NOC2L: variants seen among roughly 807,000 people sequenced by gnomAD.
The protein encoded by NOC2L is NOC2 like nucleolar associated transcriptional repressor, also known as nucleolar complex protein 2 homolog.
In NOC2L, 101 loss-of-function variants were observed where a neutral mutation model predicts 94.2. That is an observed-to-expected ratio of 1.07 (90% CI 0.91 to 1.26). The LOEUF (loss-of-function observed/expected upper bound fraction) is 1.26, where lower values mean the gene tolerates loss of function less well. Among genes scored for constraint, NOC2L ranks in the 50% most tolerant of loss-of-function variants. The pLI is 0.00. For synonymous variants in NOC2L, 531 were observed against 413.4 expected (o/e 1.28, Z -3.45); for missense variants, 1,076 against 980.1 (o/e 1.10, Z -1.31).
At chr1:949,411 C>T (rs1466062935) in intron 12 of NOC2L, among the ~76,000 whole-genome samples, 1 of 152,212 alleles carries the variant, frequency 6.6e-6, no homozygotes, top group African/African-American at 2.4e-5. Flanking sequence ...TCTGGGAGGA[C>T]ACTGCCCTTC....
In NOC2L at chr1:945,747, C is replaced by G. The variant is rs1395095419; in HGVS notation, c.1918-94G>C. ...CATCGCCAGACCCACCACCAGGGCC[C>G]CATGTGGCCAATTTCTAGTCCCCTC... is the stretch of plus-strand genomic sequence containing the variant. On this transcript the variant is annotated intron_variant, in intron 16 of 18. Coordinates refer to ENST00000327044, the MANE Select transcript of NOC2L (RefSeq NM_015658.4). 2.7e-6 allele frequency: 4 copies of G among 1,504,792 alleles called. No individual in the cohort carries two copies. In the African/African-American group the frequency reaches 4.2e-5, roughly 16 times the overall value. 93.2% of individuals were successfully genotyped at this position (1,504,792 alleles called of 1,614,324 possible). A position where few individuals can be genotyped will look rare whatever the true frequency, so the allele number is the denominator to read the frequency against.
chr1:951,351 G>A (rs1642256540), intron 11 of NOC2L, 113 bp from the exon 12 acceptor site: 1 of 802,426 alleles, frequency 1.2e-6, no homozygotes, highest in Middle Eastern at 2.3e-4. Flanking sequence ...CCTAAAGCAG[G>A]ACAAGGCACG....
Position 952,424 on chromosome 1 carries a change from G to A in NOC2L, c.1179C>T (p.Thr393=). Residue 393 remains threonine, a synonymous_variant, in exon 10 of 19, where the codon ACC becomes ACT. Coordinates refer to ENST00000327044, the MANE Select transcript of NOC2L (RefSeq NM_015658.4). ...CCCCACCACACACCTTCTTGCGAGT[G>A]GTCATGGCGTTGCGCAGGTGTATGG... ...QLAIHLRNAM[T]TRKKETYQSV... is the part of the protein sequence containing the mutation. 6.2e-7 allele frequency: 1 copy of A among 1,613,542 alleles called. No individual in the cohort carries two copies. Among genetic ancestry groups the A allele is most frequent in the Non-Finnish European group, 8.5e-7 (1 of 1,179,912 alleles).
intron 2 of NOC2L, 95 bp downstream of exon 2, chr1:958,834 T>C: frequency 7.6e-7 from 1 of 1,307,240 alleles, no homozygotes; most frequent in Non-Finnish European, 1.1e-6. Context: ...CGGCGATCCT[T>C]AGGCCTTGGC....
chr1:951,065 G>C, intron 12 of NOC2L, 62 bp downstream of exon 12: 1 of 1,295,192 alleles, frequency 7.7e-7, no homozygotes, highest in Non-Finnish European at 1.1e-6. Flanking sequence ...GACGCCCGGA[G>C]CAGCAGATGC....
At chr1:951,029 G>T in intron 12 of NOC2L, 98 bp downstream of exon 12, 1 of 928,148 alleles carries the variant, frequency 1.1e-6, no homozygotes, top group Non-Finnish European at 1.7e-6. Flanking sequence ...CCAGGGCTCC[G>T]GGAAGTCGCC....
rs893874000 is a variant in NOC2L at position 952,450 on chromosome 1, C to A, written c.1153G>T (p.Ala385Ser). The A allele has an allele frequency of 2.5e-6, 4 of 1,613,764 alleles. No homozygotes were observed. Among genetic ancestry groups the A allele is most frequent in the East Asian group, 2.2e-5 (1 of 44,884 alleles). ...GTCATGGCGTTGCGCAGGTGTATGG[C>A]GAGCTGGCGGATGTAGAGGAAGGCG... is the stretch of plus-strand genomic sequence containing the variant. ...QHAFLYIRQL[A>S]IHLRNAMTTR... The change falls in exon 10 of 19, where the codon GCC (alanine) becomes TCC (serine). Residue 385 changes from alanine (A) to serine (S), a missense_variant. Physicochemically the swap from Ala to Ser is moderately conservative, Grantham distance 99. Around this residue, in one of 3 missense-constraint regions of NOC2L, gnomAD observed 615 missense variants for 577.4 expected, o/e 1.07. Coordinates refer to ENST00000327044, the MANE Select transcript of NOC2L (RefSeq NM_015658.4).
chr1:959,235 T>G lies in NOC2L; in HGVS notation c.6A>C (p.Ala2=), dbSNP rs781268898. 19 of 1,606,988 alleles carry G rather than the reference T, an allele frequency of 1.2e-5. No homozygotes were observed. The South Asian group carries it at 2.1e-4, about 18-fold the overall frequency. Residue 2 remains alanine (A), a synonymous_variant, in exon 1 of 19, where the codon GCA becomes GCC. Transcript: ENST00000327044. M[A]AAGSRKRRLA... ...CTTACCTCTTGCGGCTCCCCGCAGC[T>G]GCCATGACACCAACCCGAAGCGTGC...
chr1:954,200 G>A (rs778209740), intron 6 of NOC2L, 118 bp from the exon 7 acceptor site: 87 of 906,338 alleles, frequency 9.6e-5, no homozygotes, highest in Non-Finnish European at 1.3e-4. Context: ...GAGACCCCCC[G>A]TCTCTCCACT....
In NOC2L at chr1:958,740, A is replaced by G. The variant is rs1557624664; in HGVS notation, c.179+189T>C. The stretch of plus-strand genomic sequence containing the variant: ...ACTCACCAACATACGCTCCCTGCCT[A>G]GGACAGAGTTTGGCACGGAACAGGA... On this transcript the variant is annotated intron_variant, in intron 2 of 18. Coordinates refer to ENST00000327044, the MANE Select transcript of NOC2L (RefSeq NM_015658.4). The G allele has an allele frequency of 8.3e-6, 6 of 719,188 alleles. No homozygotes were observed. In the East Asian group the frequency reaches 1.6e-4, roughly 19 times the overall value. 44.6% of individuals were successfully genotyped at this position (719,188 alleles called of 1,614,324 possible).
At chr1:952,342 G>A in intron 10 of NOC2L, 70 bp downstream of exon 10, 1 of 1,567,882 alleles carries the variant, frequency 6.4e-7, no homozygotes, top group Non-Finnish European at 8.7e-7. Context: ...CCCAGGCCCT[G>A]CCTTGGGTCG....
chr1:956,937 G>A lies in NOC2L; in HGVS notation c.443C>T (p.Pro148Leu), dbSNP rs1334530413. 3.1e-6 allele frequency: 5 copies of A among 1,614,088 alleles called. No homozygotes were observed. The highest frequency in any genetic ancestry group is 1.7e-4 in the Middle Eastern group (1 of 6,048). The change falls in exon 4 of 19, where the codon CCT (proline) becomes CTT (leucine). Residue 148 changes from proline to leucine, a missense_variant. Pro to Leu is a moderately conservative substitution (Grantham distance 98). Around this residue, in one of 3 missense-constraint regions of NOC2L, gnomAD observed 457 missense variants for 386.0 expected, o/e 1.18. Coordinates refer to ENST00000327044, the MANE Select transcript of NOC2L (RefSeq NM_015658.4). ...TCTCTCAACCATGGCGACGGTCACA[G>A]GAACAGAATTCTTCTTCCCCTTCAG... ...RGLKGKKNSVPVTVAMVERWK... is the reference protein window; with the variant it reads ...RGLKGKKNSVLVTVAMVERWK...
intron 14 of NOC2L, among the ~76,000 whole-genome samples, chr1:947,659 G>A (rs1055833100): frequency 6.6e-6 from 1 of 152,220 alleles, no homozygotes; most frequent in African/African-American, 2.4e-5. Flanking sequence ...CCTAAGATGA[G>A]GCTGACGTGG....
chr1:950,826 A>G (rs57325195), intron 12 of NOC2L, among the ~76,000 whole-genome samples: 4,682 of 152,242 alleles, frequency 0.031, 234 homozygotes, highest in African/African-American at 0.1. Flanking sequence ...TTCAGCAATC[A>G]GACTTGGGTT....
rs549047891 is a variant in NOC2L, at chr1:955,914, C to T, written c.698+9G>A. The T allele has an allele frequency of 5.0e-6, 8 of 1,611,294 alleles. No individual in the cohort carries two copies. The Admixed American group carries it at 8.3e-5, about 17-fold the overall frequency. ...CCACCCTACCCCCCTTCACCCCCTCCCCTCTTACCTGCTGCTATCCTTTGC... is the reference window on the plus strand; with the variant it reads ...CCACCCTACCCCCCTTCACCCCCTCTCCTCTTACCTGCTGCTATCCTTTGC... On this transcript the variant is annotated intron_variant, in intron 6 of 18. Coordinates refer to ENST00000327044, the MANE Select transcript of NOC2L (RefSeq NM_015658.4).
chr1:950,060 A>T (rs1421011552), intron 12 of NOC2L, among the ~76,000 whole-genome samples: 2 of 152,246 alleles, frequency 1.3e-5, no homozygotes, highest in Admixed American at 1.3e-4. Context: ...TGGCATGTGC[A>T]CGTGCAAAGA....
chr1:955,865 C>CTG, intron 6 of NOC2L, 58 bp downstream of exon 6: 1 of 1,432,200 alleles, frequency 7.0e-7, no homozygotes. Flanking sequence ...CTGGCTTCTC[C>CTG]TGTGTGTGGT....
chr1:958,953 T>C lies in NOC2L; in HGVS notation c.155A>G (p.Lys52Arg). The C allele has an allele frequency of 6.2e-7, 1 of 1,612,744 alleles. No individual in the cohort carries two copies. The highest frequency in any genetic ancestry group is 8.5e-7 in the Non-Finnish European group (1 of 1,179,952). The change falls in exon 2 of 19, where the codon AAG (lysine) becomes AGG (arginine). Residue 52 changes from lysine (K) to arginine (R), a missense_variant. Transcript: ENST00000327044. The part of the protein sequence containing the change: ...EAREAARSPD[K>R]PGGSPSASRR... The stretch of plus-strand genomic sequence containing the variant: ...CCTGGCCGAGGGGCTCCCGCCCGGC[T>C]TATCCGGACTCCGGGCAGCCTCGCG...
At chr1:950,139 C>T (rs1023566083) in intron 12 of NOC2L, among the ~76,000 whole-genome samples, 9 of 152,166 alleles carry the variant, frequency 5.9e-5, no homozygotes, top group African/African-American at 2.2e-4. Context: ...TACATGCACA[C>T]AGGTGCACAC....
Sources: gnomAD v4.1 joint callset for allele counts (sites outside exome capture counted in the v4.1 genomes callset) on GRCh38, gnomAD v4.1.1 for gene constraint, gnomAD v4.1.1 regional missense constraint, MANE v1.5 for transcripts, NCBI Gene and HGNC (gene_info 2026-07-23, HGNC 2026-07-21) for gene names.